Variants in ZNF667 observed in about 807,000 individuals in gnomAD.
ZNF667 encodes zinc finger protein 667.
A neutral mutation model predicts 31.8 loss-of-function variants in ZNF667; 13 were observed. That is an observed-to-expected ratio of 0.41 (90% CI 0.27 to 0.65). The LOEUF (loss-of-function observed/expected upper bound fraction) is 0.65, where lower values mean the gene tolerates loss of function less well. ZNF667 is among the 30% of genes least tolerant of loss of function. ZNF667 has a pLI of 0.32. For synonymous variants in ZNF667, 228 were observed against 247.1 expected (o/e 0.92, Z 0.73); for missense variants, 642 against 725.6 (o/e 0.88, Z 1.32).
chr19:56,453,693 A>G (rs1265630849), intron 6 of ZNF667, among the ~76,000 whole-genome samples: 1 of 152,196 alleles, frequency 6.6e-6, no homozygotes, highest in Non-Finnish European at 1.5e-5. Flanking sequence ...CAACACAATA[A>G]AAGCCGTATA....
intron 6 of ZNF667, chr19:56,449,638 T>C: frequency 1.3e-5 from 2 of 158,988 alleles, no homozygotes; most frequent in Non-Finnish European, 2.7e-5. Context: ...GCCGAGATCA[T>C]GCCATCATTG....
intron 6 of ZNF667, among the ~76,000 whole-genome samples, chr19:56,455,634 G>GA (rs2042915598): frequency 6.6e-6 from 1 of 152,082 alleles, no homozygotes; most frequent in South Asian, 2.1e-4. Context: ...AAGGGTAGCA[G>GA]AAAAAAGGAG....
At chr19:56,475,772 A>T (rs1271270626) in intron 1 of ZNF667, 1 of 152,068 alleles carries the variant, frequency 6.6e-6, no homozygotes, top group African/African-American at 2.4e-5. Flanking sequence ...TCTTGACCCC[A>T]TGGGCTCCCT....
At chr19:56,460,118 A>G (rs996563361) in intron 5 of ZNF667, among the ~76,000 whole-genome samples, 3 of 152,248 alleles carry the variant, frequency 2.0e-5, no homozygotes, top group Non-Finnish European at 2.9e-5. Context: ...AAAAATTTGT[A>G]TATGTTCATA....
intron 6 of ZNF667, among the ~76,000 whole-genome samples, chr19:56,447,742 ATGG>A (rs1279885995): frequency 2.0e-5 from 3 of 151,968 alleles, no homozygotes; most frequent in African/African-American, 7.3e-5. Flanking sequence ...TTAGCTGGGT[ATGG>A]TGATGTGTGC....
intron 6 of ZNF667, chr19:56,444,248 A>C: frequency 2.5e-6 from 1 of 398,476 alleles, no homozygotes; most frequent in Non-Finnish European, 4.4e-6. Context: ...TGGTGCTGGC[A>C]CCTCCTTGGC....
intron 3 of ZNF667, among the ~76,000 whole-genome samples, chr19:56,467,412 T>C (rs2043186769): frequency 1.3e-5 from 2 of 152,224 alleles, no homozygotes; most frequent in African/African-American, 2.4e-5. Flanking sequence ...TTTCCTCTGC[T>C]GTCACACCAC....
chr19:56,456,972 G>A (rs1479659972), intron 6 of ZNF667, among the ~76,000 whole-genome samples: 1 of 151,952 alleles, frequency 6.6e-6, no homozygotes, highest in Non-Finnish European at 1.5e-5. Context: ...CTTCCATCTG[G>A]CTTCCGTTAC....
chr19:56,441,967 GA>G lies in ZNF667; in HGVS notation c.1027del (p.Ser343HisfsTer3). 3 of 1,614,032 alleles carry G rather than the reference GA, an allele frequency of 1.9e-6. No homozygotes were observed. The highest frequency in any genetic ancestry group is 2.5e-6 in the Non-Finnish European group (3 of 1,179,976). ...RKCGKLFNRI[S>X]PLMLHQRIHT... ...AATTCTCTGGTGAAGCATCAGGGGT[GA>G]AATCCTATTAAATAATTTCCCACAT... On this transcript the variant is annotated frameshift_variant, in exon 7 of 7. Coordinates refer to ENST00000504904, the MANE Select transcript of ZNF667 (RefSeq NM_001321356.2). LOFTEE classifies it high-confidence loss of function. This position sits in a 1 kb window ranked among gnomAD's most constrained non-coding sequence, Gnocchi z 4.2.
intron 5 of ZNF667, among the ~76,000 whole-genome samples, chr19:56,459,717 A>G (rs2043004905): frequency 6.6e-6 from 1 of 152,136 alleles, no homozygotes; most frequent in Non-Finnish European, 1.5e-5. Context: ...AAGAGGGCTG[A>G]GTGCGGTGGC....
At position 56,448,522 on chromosome 19, in the gene ZNF667, G is replaced by A. The variant is rs7248560; in HGVS notation, c.254-5781C>T. Among the ~76,000 whole-genome samples, 860 of 152,208 alleles carry A rather than the reference G, an allele frequency of 5.7e-3. 4 individuals carry two copies. Among genetic ancestry groups the A allele is most frequent in the African/African-American group, 0.019 (800 of 41,520 alleles). ...GTGACACACCAGCTGGAGTGGCCAAGAGAGTGTTTGTATCAACTCTCTCCC... is the reference window on the plus strand; with the variant it reads ...GTGACACACCAGCTGGAGTGGCCAAAAGAGTGTTTGTATCAACTCTCTCCC... On this transcript the variant is annotated intron_variant, in intron 6 of 6. Transcript: ENST00000504904.
At chr19:56,451,286 T>C (rs2042816289) in intron 6 of ZNF667, among the ~76,000 whole-genome samples, 1 of 151,714 alleles carries the variant, frequency 6.6e-6, no homozygotes, top group African/African-American at 2.4e-5. Flanking sequence ...CAATTGTAAA[T>C]ATATACACAC....
chr19:56,470,136 A>G (rs1303772114), intron 3 of ZNF667: 4 of 422,480 alleles, frequency 9.5e-6, no homozygotes, highest in Non-Finnish European at 1.9e-5. Flanking sequence ...CAAAGGGAGG[A>G]CAAAGGGCTG....
chr19:56,459,896 G>T (rs1600434656), intron 5 of ZNF667, among the ~76,000 whole-genome samples: 1 of 152,140 alleles, frequency 6.6e-6, no homozygotes, highest in East Asian at 1.9e-4. Context: ...AGAGACTGAG[G>T]CAGAGGAATC....
chr19:56,458,560 G>A (rs1289140772), intron 5 of ZNF667, among the ~76,000 whole-genome samples: 4 of 152,200 alleles, frequency 2.6e-5, no homozygotes, highest in African/African-American at 9.6e-5. Context: ...CCGATCATGT[G>A]ATTAGAGGAT....
chr19:56,470,309 C>T (rs1377964759), intron 3 of ZNF667, among the ~76,000 whole-genome samples: 1 of 152,208 alleles, frequency 6.6e-6, no homozygotes, highest in East Asian at 1.9e-4. Context: ...GCTCTATGCA[C>T]GTGCTCAGGT....
In ZNF667 at chr19:56,441,346, G is replaced by C. The variant is rs1421011519; in HGVS notation, c.1649C>G (p.Thr550Ser). 6.2e-7 allele frequency: 1 copy of C among 1,613,996 alleles called. No individual in the cohort carries two copies. Among genetic ancestry groups the C allele is most frequent in the Non-Finnish European group, 8.5e-7 (1 of 1,180,038 alleles). The change falls in exon 7 of 7, where the codon ACT becomes AGT. Residue 550 changes from threonine to serine, a missense_variant. Physicochemically the swap from Thr to Ser is moderately conservative, Grantham distance 58. Transcript: ENST00000504904. The surrounding 1 kb of genome is among the most constrained non-coding windows in gnomAD (Gnocchi z 4.2). ...TSLILHERSHTGEKPYECNEC... is the reference protein window; with the variant it reads ...TSLILHERSHSGEKPYECNEC... ...ATTACATTCATAGGGTTTCTCTCCA[G>C]TATGACTTCTTTCATGTAGAATAAG... is the stretch of plus-strand genomic sequence containing the variant.
chr19:56,469,398 CTG>C (rs773113232), intron 3 of ZNF667, among the ~76,000 whole-genome samples: 5 of 152,208 alleles, frequency 3.3e-5, no homozygotes, highest in Non-Finnish European at 7.4e-5. Context: ...TTCCTATCAG[CTG>C]TGTTACCCTG....
At chr19:56,444,420 G>C (rs957479064) in intron 6 of ZNF667, 4 of 392,534 alleles carry the variant, frequency 1.0e-5, no homozygotes, top group Admixed American at 8.9e-5. Flanking sequence ...ACCACCAAGG[G>C]AATGGTGCTA....
Sources: allele counts gnomAD v4.1 joint callset (sites outside exome capture counted in the v4.1 genomes callset), GRCh38; gene constraint gnomAD v4.1.1; non-coding constraint Gnocchi (gnomAD v3.1); transcripts MANE v1.5; gene names NCBI Gene and HGNC (gene_info 2026-07-23, HGNC 2026-07-21).